UBL3: variants seen among roughly 807,000 people sequenced by gnomAD.
UBL3 encodes ubiquitin-like protein 3.
In UBL3, 6 loss-of-function variants were observed where a neutral mutation model predicts 18.4. That is an observed-to-expected ratio of 0.33 (90% confidence interval 0.18 to 0.64). The LOEUF (loss-of-function observed/expected upper bound fraction) is 0.64, where lower values mean the gene tolerates loss of function less well. Ranked by LOEUF, UBL3 falls within the 30% of genes least tolerant of loss-of-function variation. The pLI, the probability that UBL3 is intolerant of heterozygous loss-of-function variation, is 0.76. For synonymous variants in UBL3, 49 were observed against 46.6 expected (o/e 1.05, Z -0.21); for missense variants, 109 against 142.9 (o/e 0.76, Z 1.21).
At chr13:29,839,387 T>C (rs1297316216) in intron 1 of UBL3, among the ~76,000 whole-genome samples, 1 of 152,214 alleles carries the variant, frequency 6.6e-6, no homozygotes, top group Non-Finnish European at 1.5e-5. Context: ...TATGCTTTAT[T>C]GAATGATAAT....
intron 1 of UBL3, among the ~76,000 whole-genome samples, chr13:29,802,394 G>A (rs1877795129): frequency 6.6e-6 from 1 of 152,166 alleles, no homozygotes. Context: ...CATGAACTTT[G>A]GCAACCCAAA....
chr13:29,806,150 C>G (rs540042016), intron 1 of UBL3, among the ~76,000 whole-genome samples: 173 of 152,246 alleles, frequency 1.1e-3, no homozygotes, highest in African/African-American at 3.5e-3. Context: ...GCACTCCAGC[C>G]TGGGTGACAG....
chr13:29,781,989 T>C (rs1035475729), intron 1 of UBL3, among the ~76,000 whole-genome samples: 1 of 150,556 alleles, frequency 6.6e-6, no homozygotes, highest in African/African-American at 2.4e-5. Flanking sequence ...GGTGACAGAA[T>C]GAGACCCCAT....
intron 1 of UBL3, among the ~76,000 whole-genome samples, chr13:29,840,861 T>C (rs938571394): frequency 1.3e-5 from 2 of 152,314 alleles, no homozygotes; most frequent in East Asian, 1.9e-4. Flanking sequence ...TATACATCTA[T>C]CATAATCGGT....
intron 1 of UBL3, among the ~76,000 whole-genome samples, chr13:29,807,544 T>C (rs1032465006): frequency 6.6e-6 from 1 of 152,216 alleles, no homozygotes; most frequent in African/African-American, 2.4e-5. Flanking sequence ...ATTAATTCTA[T>C]GAATTTTTAG....
chr13:29,780,078 G>A (rs1877107205), intron 1 of UBL3, among the ~76,000 whole-genome samples: 1 of 152,024 alleles, frequency 6.6e-6, no homozygotes, highest in Non-Finnish European at 1.5e-5. Flanking sequence ...ATATAAACCA[G>A]GCGCGGTGGC....
chr13:29,814,148 A>T (rs2139343185), intron 1 of UBL3, among the ~76,000 whole-genome samples: 1 of 152,156 alleles, frequency 6.6e-6, no homozygotes, highest in Admixed American at 6.6e-5. Flanking sequence ...AAGAGTATCT[A>T]ATGTTATTTT....
At chr13:29,785,059 C>T (rs914160974) in intron 1 of UBL3, among the ~76,000 whole-genome samples, 1 of 152,174 alleles carries the variant, frequency 6.6e-6, no homozygotes, top group African/African-American at 2.4e-5. Context: ...GTGCACGCCA[C>T]CATGCCCGGC....
chr13:29,825,713 C>G (rs1331943841), intron 1 of UBL3, among the ~76,000 whole-genome samples: 1 of 152,132 alleles, frequency 6.6e-6, no homozygotes, highest in Non-Finnish European at 1.5e-5. Context: ...ATTGCTCTGG[C>G]CAGAAATTCC....
intron 1 of UBL3, among the ~76,000 whole-genome samples, chr13:29,826,548 C>T (rs1371543544): frequency 6.6e-6 from 1 of 152,106 alleles, no homozygotes; most frequent in Non-Finnish European, 1.5e-5. Context: ...GTGATATCCC[C>T]TTTATTATTT....
chr13:29,830,092 A>T (rs184418487), intron 1 of UBL3, among the ~76,000 whole-genome samples: 1 of 152,302 alleles, frequency 6.6e-6, no homozygotes, highest in Admixed American at 6.5e-5. Flanking sequence ...TATATAAGTT[A>T]TTCAAGTCAC....
chr13:29,842,845 G>A (rs1410746291), intron 1 of UBL3, among the ~76,000 whole-genome samples: 1 of 152,148 alleles, frequency 6.6e-6, no homozygotes, highest in Admixed American at 6.5e-5. Flanking sequence ...AGAATTCTAA[G>A]CAACCAAAAC....
At chr13:29,805,113 A>T (rs1285320728) in intron 1 of UBL3, among the ~76,000 whole-genome samples, 1 of 152,246 alleles carries the variant, frequency 6.6e-6, no homozygotes, top group Non-Finnish European at 1.5e-5. Context: ...AAAGCCAATG[A>T]TTTAAATAAA....
At chr13:29,836,379 T>A (rs930594016) in intron 1 of UBL3, among the ~76,000 whole-genome samples, 5 of 147,344 alleles carry the variant, frequency 3.4e-5, no homozygotes, top group African/African-American at 5.0e-5. Flanking sequence ...AATAAATAAA[T>A]AAAATAAAAC....
chr13:29,816,405 A>G (rs576237515), intron 1 of UBL3, among the ~76,000 whole-genome samples: 3 of 152,284 alleles, frequency 2.0e-5, no homozygotes, highest in East Asian at 1.9e-4. Flanking sequence ...ATCTCTTGCT[A>G]TGTGCTGAAG....
At chr13:29,795,002 A>G (rs1364706059) in intron 1 of UBL3, among the ~76,000 whole-genome samples, 1 of 152,240 alleles carries the variant, frequency 6.6e-6, no homozygotes, top group Non-Finnish European at 1.5e-5. Context: ...TACAAATTGT[A>G]GCCAAAACAT....
At chr13:29,815,355 T>C (rs941570847) in intron 1 of UBL3, among the ~76,000 whole-genome samples, 1 of 152,260 alleles carries the variant, frequency 6.6e-6, no homozygotes, top group East Asian at 1.9e-4. Flanking sequence ...TGAGATCCTC[T>C]AGTCTGGATA....
intron 1 of UBL3, among the ~76,000 whole-genome samples, chr13:29,777,653 GA>G (rs1877036179): frequency 6.6e-6 from 1 of 151,406 alleles, no homozygotes; most frequent in Admixed American, 6.6e-5. Context: ...TCACTAAACA[GA>G]AAAAAAATTT....
chr13:29,775,148 T>C (rs1461156934), intron 2 of UBL3, among the ~76,000 whole-genome samples: 1 of 152,232 alleles, frequency 6.6e-6, no homozygotes, highest in Admixed American at 6.5e-5. Context: ...GTGAGCTGGC[T>C]TTGGCAAAAA....
Sources: gnomAD v4.1 joint callset for allele counts (sites outside exome capture counted in the v4.1 genomes callset) on GRCh38, gnomAD v4.1.1 for gene constraint, MANE v1.5 for transcripts, NCBI Gene and HGNC (gene_info 2026-07-23, HGNC 2026-07-21) for gene names.